The following NLGN1 variants were observed in gnomAD, a reference collection of about 807,000 sequenced individuals.
NLGN1 encodes neuroligin 1, also known as neuroligin-1.
Under a neutral mutation model 65.5 loss-of-function variants are expected in NLGN1, and 12 were observed. The ratio of observed to expected loss-of-function variants is 0.18; its 90% CI spans 0.12 to 0.30. The LOEUF is 0.30. NLGN1 is among the 10% of genes least tolerant of loss of function. The pLI, the probability that NLGN1 is intolerant of heterozygous loss-of-function variation, is 1.00. For synonymous variants in NLGN1, 350 were observed against 359.5 expected, an observed-to-expected ratio of 0.97 and a Z score of 0.30; for missense variants, 750 against 1,007.1, an observed-to-expected ratio of 0.74 and a Z score of 3.46.
chr3:173,686,030 G>A lies in NLGN1; in HGVS notation c.493+80939G>A, dbSNP rs537755042. On this transcript the variant is annotated intron_variant, in intron 3 of 6. Transcript: ENST00000457714. The stretch of plus-strand genomic sequence containing the variant: ...GCAATCATTAACCATGCTCATTTGG[G>A]AAGGTGGCTAACAACTATTTTTAAA... 1.3e-3 allele frequency among the ~76,000 whole-genome samples: 197 copies of A among 152,250 alleles called. 1 individual carries two copies. Among genetic ancestry groups the A allele is most frequent in the African/African-American group, 4.3e-3 (180 of 41,570 alleles).
At chr3:174,033,228 A>G (rs1056412471) in intron 4 of NLGN1, among the ~76,000 whole-genome samples, 1 of 152,190 alleles carries the variant, frequency 6.6e-6, no homozygotes, top group Non-Finnish European at 1.5e-5. Flanking sequence ...AGGGACGTCG[A>G]AAGTTAAGAG....
chr3:173,502,091 C>G (rs1051286606), intron 2 of NLGN1, among the ~76,000 whole-genome samples: 1 of 152,114 alleles, frequency 6.6e-6, no homozygotes, highest in Non-Finnish European at 1.5e-5. Flanking sequence ...TTAAGTCACA[C>G]TGTAATATTT....
chr3:173,532,939 G>C (rs1736836207), intron 2 of NLGN1, among the ~76,000 whole-genome samples: 1 of 152,170 alleles, frequency 6.6e-6, no homozygotes, highest in Admixed American at 6.5e-5. Flanking sequence ...GTGGGATAGA[G>C]GGAAAGAGAA....
intron 4 of NLGN1, among the ~76,000 whole-genome samples, chr3:173,918,946 G>C (rs115214861): frequency 5.9e-4 from 90 of 152,014 alleles, no homozygotes; most frequent in African/African-American, 2.1e-3. Context: ...TGCATTCCTT[G>C]GCTAGTTCCT....
chr3:174,270,977 G>C (rs1304950016), intron 4 of NLGN1, among the ~76,000 whole-genome samples: 1 of 151,748 alleles, frequency 6.6e-6, no homozygotes, highest in African/African-American at 2.4e-5. Flanking sequence ...ATGTCTGCAA[G>C]GCTGGCTCTT....
At chr3:173,807,110 A>G (rs12696344) in intron 3 of NLGN1, among the ~76,000 whole-genome samples, 97,974 of 151,940 alleles carry the variant, frequency 0.64, 32,840 homozygotes, top group Non-Finnish European at 0.75. Context: ...CTAAACATTC[A>G]TCTGACATTA....
At chr3:173,446,026 C>T (rs1429824025) in intron 2 of NLGN1, among the ~76,000 whole-genome samples, 1 of 151,916 alleles carries the variant, frequency 6.6e-6, no homozygotes, top group African/African-American at 2.4e-5. Flanking sequence ...ATGCAAATTC[C>T]ATTAATTTTC....
intron 4 of NLGN1, among the ~76,000 whole-genome samples, chr3:173,942,400 T>A (rs545585744): frequency 6.6e-6 from 1 of 152,168 alleles, no homozygotes; most frequent in East Asian, 1.9e-4. Flanking sequence ...TTGCAGTGTA[T>A]CATTCAGTGA....
chr3:173,548,530 G>C (rs1740295668), intron 2 of NLGN1, among the ~76,000 whole-genome samples: 1 of 150,704 alleles, frequency 6.6e-6, no homozygotes, highest in African/African-American at 2.4e-5. Context: ...AGTGGTTATA[G>C]AAGCAGTGTG....
intron 4 of NLGN1, among the ~76,000 whole-genome samples, chr3:173,944,526 A>G (rs1368911332): frequency 1.3e-5 from 2 of 152,018 alleles, no homozygotes; most frequent in Non-Finnish European, 2.9e-5. Context: ...CCTCTCCTAA[A>G]CCTAGGATGT....
At chr3:173,668,860 G>A (rs905344692) in intron 3 of NLGN1, among the ~76,000 whole-genome samples, 3 of 152,004 alleles carry the variant, frequency 2.0e-5, no homozygotes, top group African/African-American at 7.2e-5. Flanking sequence ...CTGACCTCAA[G>A]TGATCCGCCC....
chr3:174,106,314 G>T (rs1713788197), intron 4 of NLGN1, among the ~76,000 whole-genome samples: 1 of 151,932 alleles, frequency 6.6e-6, no homozygotes, highest in Non-Finnish European at 1.5e-5. Context: ...TTCAGGATCA[G>T]TTATACTTTT....
chr3:174,243,795 C>T (rs1191891837), intron 4 of NLGN1, among the ~76,000 whole-genome samples: 1 of 152,154 alleles, frequency 6.6e-6, no homozygotes, highest in African/African-American at 2.4e-5. Context: ...CCTGAGTATA[C>T]ACAATCAACA....
intron 1 of NLGN1, among the ~76,000 whole-genome samples, chr3:173,419,105 C>T (rs540943650): frequency 1.1e-4 from 11 of 99,446 alleles, no homozygotes; most frequent in African/African-American, 4.3e-4. Flanking sequence ...ATCTATCTAT[C>T]TATATATATC....
At chr3:173,407,719 T>C in intron 1 of NLGN1, among the ~76,000 whole-genome samples, 1 of 152,196 alleles carries the variant, frequency 6.6e-6, no homozygotes, top group East Asian at 1.9e-4. Context: ...CAGTTGGCCA[T>C]TCTAGATTCT....
At chr3:173,733,671 C>T (rs1432521354) in intron 3 of NLGN1, among the ~76,000 whole-genome samples, 3 of 152,126 alleles carry the variant, frequency 2.0e-5, no homozygotes, top group African/African-American at 7.2e-5. Context: ...TTCAAGTTCA[C>T]TCTTCTGTAT....
intron 1 of NLGN1, among the ~76,000 whole-genome samples, chr3:173,406,528 G>GAT (rs1000770749): frequency 1.4e-4 from 21 of 145,946 alleles, no homozygotes; most frequent in Admixed American, 4.8e-4. Context: ...TATATGAATA[G>GAT]ATATATATAT....
At chr3:174,256,781 A>T (rs907673438) in intron 4 of NLGN1, among the ~76,000 whole-genome samples, 1 of 152,218 alleles carries the variant, frequency 6.6e-6, no homozygotes, top group Non-Finnish European at 1.5e-5. Context: ...TAAAGACTTA[A>T]ATGTAAAACC....
intron 3 of NLGN1, among the ~76,000 whole-genome samples, chr3:173,725,843 T>A (rs1423673410): frequency 6.6e-5 from 10 of 152,086 alleles, no homozygotes; most frequent in Admixed American, 5.2e-4. Context: ...GTTTTAGAGT[T>A]GAGTTCTCCA....
Sources: allele counts gnomAD v4.1 joint callset (sites outside exome capture counted in the v4.1 genomes callset), GRCh38; gene constraint gnomAD v4.1.1; transcripts MANE v1.5; gene names NCBI Gene and HGNC (gene_info 2026-07-23, HGNC 2026-07-21).